Variants in MUTYH observed in about 807,000 individuals in gnomAD.
MUTYH encodes mutY DNA glycosylase, also known as adenine DNA glycosylase.
In MUTYH, 64 loss-of-function variants were observed where a neutral mutation model predicts 72.9. The observed-to-expected ratio is 0.88, with a 90% CI of 0.72 to 1.08. MUTYH has a LOEUF of 1.08. Among genes scored for constraint, MUTYH ranks in the 50% least tolerant of loss-of-function variants. MUTYH has a pLI of 0.00. For synonymous variants in MUTYH, 234 were observed against 263.1 expected (o/e 0.89, Z 1.07); for missense variants, 633 against 671.0 (o/e 0.94, Z 0.63).
chr1:45,340,040 C>G (rs1418696430), upstream of MUTYH: 6 of 1,540,320 alleles, frequency 3.9e-6, no homozygotes, highest in Non-Finnish European at 5.3e-6. Flanking sequence ...CGGGTCCACC[C>G]GGGCTGCGAG....
intron 1 of MUTYH, among the ~76,000 whole-genome samples, chr1:45,337,830 A>C (rs1646133786): frequency 6.6e-6 from 1 of 152,242 alleles, no homozygotes; most frequent in African/African-American, 2.4e-5. Context: ...ATAAAACATC[A>C]AAAGTTCCTG....
chr1:45,329,715 GC>G (rs1644447993), intron 15 of MUTYH, among the ~76,000 whole-genome samples: 1 of 152,170 alleles, frequency 6.6e-6, no homozygotes, highest in African/African-American at 2.4e-5. Context: ...GACTGACCCA[GC>G]AGGCCCTGCT....
intron 4 of MUTYH, 43 bp downstream of exon 4, chr1:45,333,242 G>A (rs1284459432): frequency 6.2e-7 from 1 of 1,614,138 alleles, no homozygotes; most frequent in South Asian, 1.1e-5. Flanking sequence ...CAGACCCAAG[G>A]GCCTCGAGGC....
At position 45,332,886 on chromosome 1, in the gene MUTYH, TCCTATTTCCCCTA is replaced by T. The variant is rs781222233; in HGVS notation, c.420+19_420+31del. ...GATCACCCGTCAGTCCCTCTATTGT[TCCTATTTCCCCTA>T]CCCTAGGGTGGCTCTCACCTCCAGG... is the stretch of plus-strand genomic sequence containing the variant. On this transcript the variant is annotated intron_variant, in intron 6 of 15. Coordinates refer to ENST00000456914, the MANE Select transcript of MUTYH (RefSeq NM_001048174.2). 5 of 1,614,048 alleles carry T rather than the reference TCCTATTTCCCCTA, an allele frequency of 3.1e-6. No homozygotes were observed. The highest frequency in any genetic ancestry group is 4.2e-6 in the Non-Finnish European group (5 of 1,179,970).
intron 14 of MUTYH, among the ~76,000 whole-genome samples, 197 bp downstream of exon 14, chr1:45,330,985 T>C (rs1644717957): frequency 6.6e-6 from 1 of 152,138 alleles, no homozygotes; most frequent in Admixed American, 6.5e-5. Context: ...CTCAGGAAGC[T>C]GAGGCAGGAG....
intron 1 of MUTYH, among the ~76,000 whole-genome samples, chr1:45,337,914 G>T (rs553466914): frequency 1.3e-5 from 2 of 152,266 alleles, no homozygotes; most frequent in South Asian, 4.1e-4. Flanking sequence ...AAGATGTTAG[G>T]TGATAAATAT....
intron 15 of MUTYH, among the ~76,000 whole-genome samples, chr1:45,330,228 C>CAAAAAAA (rs34168747): frequency 1.6e-5 from 1 of 62,936 alleles, no homozygotes; most frequent in Admixed American, 2.0e-4. Flanking sequence ...GAGACTGTCT[C>CAAAAAAA]AAAAAAAAAA....
chr1:45,332,892 T>A lies in MUTYH; in HGVS notation c.420+26A>T. On this transcript the variant is annotated intron_variant, in intron 6 of 15. Coordinates refer to ENST00000456914, the MANE Select transcript of MUTYH (RefSeq NM_001048174.2). ...CCGTCAGTCCCTCTATTGTTCCTAT[T>A]TCCCCTACCCTAGGGTGGCTCTCAC... The A allele has an allele frequency of 6.2e-7, 1 of 1,614,012 alleles. No homozygotes were observed. The highest frequency in any genetic ancestry group is 8.5e-7 in the Non-Finnish European group (1 of 1,179,946).
chr1:45,336,697 C>A (rs914529580), intron 1 of MUTYH, among the ~76,000 whole-genome samples: 7 of 152,060 alleles, frequency 4.6e-5, no homozygotes, highest in African/African-American at 1.7e-4. Flanking sequence ...TCCTTTTTTT[C>A]AGACTCAGCC....
intron 1 of MUTYH, among the ~76,000 whole-genome samples, chr1:45,337,460 C>T (rs988793338): frequency 2.0e-5 from 3 of 152,028 alleles, no homozygotes; most frequent in Admixed American, 6.6e-5. Context: ...CCTGGTGACA[C>T]CCCATTATAT....
At chr1:45,334,237 C>T in intron 2 of MUTYH, 154 bp downstream of exon 2, 1 of 1,142,684 alleles carries the variant, frequency 8.8e-7, no homozygotes, top group Non-Finnish European at 1.3e-6. Context: ...GATCCACCTG[C>T]CTCGGCCTCC....
At chr1:45,335,225 G>A (rs545301829) in intron 1 of MUTYH, among the ~76,000 whole-genome samples, 4 of 152,154 alleles carry the variant, frequency 2.6e-5, no homozygotes, top group Non-Finnish European at 4.4e-5. Flanking sequence ...GAGCTTTACC[G>A]GATCTCTCAA....
At chr1:45,340,371 C>T (rs1163796842), upstream of MUTYH, 5 of 1,561,554 alleles carry the variant, frequency 3.2e-6, no homozygotes, top group Non-Finnish European at 4.3e-6. Context: ...GCCTCGGGCT[C>T]ATAGTTCTAG....
chr1:45,332,953 G>C lies in MUTYH; in HGVS notation c.385C>G (p.Pro129Ala). ...NYYTGWMQKW[P>A]TLQDLASASL... ...GCACTGGCCAGGTCCTGCAGTGTAG[G>C]CCACTTCTATAGCCACAGGCAGGCA... is the stretch of plus-strand genomic sequence containing the variant. The change falls in exon 6 of 16, where the codon CCT (proline) becomes GCT (alanine). Residue 129 changes from proline (P) to alanine (A), a missense_variant. Pro to Ala is a conservative substitution (Grantham distance 27, BLOSUM62 -1). Transcript: ENST00000456914. 1 of 1,614,054 alleles carries C rather than the reference G, an allele frequency of 6.2e-7. No homozygotes were observed. The highest frequency in any genetic ancestry group is 2.2e-5 in the East Asian group (1 of 44,874).
chr1:45,334,600 C>T (rs1013886510), intron 1 of MUTYH, 89 bp from the exon 2 acceptor site: 1 of 1,565,182 alleles, frequency 6.4e-7, no homozygotes, highest in African/African-American at 1.4e-5. Context: ...TCCCTCTCAT[C>T]CACCATTCAC....
In MUTYH at chr1:45,331,699, AG is replaced by A. The variant is rs587778536; in HGVS notation, c.1063del (p.Ala357ProfsTer23). 131 of 1,613,990 alleles carry A rather than the reference AG, an allele frequency of 8.1e-5. No individual in the cohort carries two copies. Among genetic ancestry groups the A allele is most frequent in the Non-Finnish European group, 1.0e-4 (123 of 1,180,048 alleles). ...CTGCACCAGCAGAATTTGGGCCCCA[AG>A]GGCCCCAGGCTGTTCCAGAACACAG... Reference protein sequence around the residue: ...ATCVLEQPGALGAQILLVQRP... With the variant: ...ATCVLEQPGAXGAQILLVQRP... On this transcript the variant is annotated frameshift_variant, in exon 12 of 16. Transcript: ENST00000456914. LOFTEE classifies it high-confidence loss of function.
rs869312771 is a variant in MUTYH, at chr1:45,331,727, TGGCAGAGCTCTCCTCCCTG to T, written c.1017_1035del (p.Arg340ProfsTer34). 6.2e-7 allele frequency: 1 copy of T among 1,614,134 alleles called. No individual in the cohort carries two copies. Among genetic ancestry groups the T allele is most frequent in the Non-Finnish European group, 8.5e-7 (1 of 1,180,018 alleles). On this transcript the variant is annotated frameshift_variant, in exon 12 of 16. Transcript: ENST00000456914. LOFTEE classifies it high-confidence loss of function. ...GCCCCAGGCTGTTCCAGAACACAGG[TGGCAGAGCTCTCCTCCCTG>T]GGGGGCTTGCGGCTGGCCTTTCTGG...
At chr1:45,340,346 C>T (rs1646841944), upstream of MUTYH, 1 of 1,592,514 alleles carries the variant, frequency 6.3e-7, no homozygotes, top group South Asian at 1.1e-5. Context: ...CCTCTGCGCT[C>T]TGGGAGAGGG....
At chr1:45,337,483 T>C (rs971463549) in intron 1 of MUTYH, among the ~76,000 whole-genome samples, 1 of 152,156 alleles carries the variant, frequency 6.6e-6, no homozygotes, top group African/African-American at 2.4e-5. Context: ...TTTTATTTTC[T>C]TTCTTTTCTC....
Sources: gnomAD v4.1 joint callset for allele counts (sites outside exome capture counted in the v4.1 genomes callset) on GRCh38, gnomAD v4.1.1 for gene constraint, MANE v1.5 for transcripts, NCBI Gene and HGNC (gene_info 2026-07-23, HGNC 2026-07-21) for gene names.